Variants in RIC3 observed in about 807,000 individuals in gnomAD.
RIC3 encodes RIC3 acetylcholine receptor chaperone.
Under a neutral mutation model 27.3 loss-of-function variants are expected in RIC3, and 28 were observed. The ratio of observed to expected loss-of-function variants is 1.02; its 90% CI spans 0.76 to 1.41. The LOEUF is 1.41. Ranked by LOEUF, RIC3 falls within the 40% of genes most tolerant of loss-of-function variation. The probability of loss-of-function intolerance (pLI) is 0.00; values close to 1 mark genes in which losing one functional copy is unlikely to be tolerated. For missense variants in RIC3, 501 were observed against 444.7 expected (o/e 1.13, Z -1.14); for synonymous variants, 184 against 160.4 (o/e 1.15, Z -1.11).
intron 5 of RIC3, among the ~76,000 whole-genome samples, chr11:8,119,984 AATGAGATACC>A (rs1234307380): frequency 6.6e-6 from 1 of 152,254 alleles, no homozygotes; most frequent in East Asian, 1.9e-4. Flanking sequence ...TCAAAACCAC[AATGAGATACC>A]ATCTCACGCC....
chr11:8,101,642 G>C (rs1461171565), downstream of RIC3: 1 of 1,613,178 alleles, frequency 6.2e-7, no homozygotes. Context: ...GCCCTTTGGG[G>C]TTGCCCAGCC....
intron 5 of RIC3, among the ~76,000 whole-genome samples, chr11:8,120,843 G>A (rs1946365429): frequency 6.6e-6 from 1 of 152,060 alleles, no homozygotes; most frequent in African/African-American, 2.4e-5. Context: ...TCAAATTAAA[G>A]TAGAGAATGA....
chr11:8,121,893 T>A (rs1946499590), intron 5 of RIC3, among the ~76,000 whole-genome samples: 1 of 152,112 alleles, frequency 6.6e-6, no homozygotes, highest in African/African-American at 2.4e-5. Context: ...AAAATTAACC[T>A]TTTTTATTTT....
intron 5 of RIC3, among the ~76,000 whole-genome samples, chr11:8,126,307 AAAAGT>A (rs1946984720): frequency 2.6e-5 from 4 of 152,200 alleles, no homozygotes; most frequent in African/African-American, 9.6e-5. Context: ...CATGAATGTC[AAAAGT>A]ATTACGCTAA....
At chr11:8,118,021 G>T (rs1315242242) in intron 5 of RIC3, among the ~76,000 whole-genome samples, 1 of 151,804 alleles carries the variant, frequency 6.6e-6, no homozygotes, top group Non-Finnish European at 1.5e-5. Flanking sequence ...AGGAGATCAA[G>T]ACCATCCTGG....
At chr11:8,135,749 G>A (rs553375393) in intron 4 of RIC3, 2 of 152,100 alleles carry the variant, frequency 1.3e-5, no homozygotes, top group African/African-American at 4.8e-5. Flanking sequence ...GTGTGGCCTG[G>A]GGTTGCCAAT....
At chr11:8,128,832 G>C (rs1590165676) in intron 4 of RIC3, among the ~76,000 whole-genome samples, 1 of 138,824 alleles carries the variant, frequency 7.2e-6, no homozygotes, top group South Asian at 2.2e-4. Flanking sequence ...TCAGCTCACT[G>C]CAAGCTCCGC....
Position 8,127,358 on chromosome 11 carries a change from A to G in RIC3, c.522-551T>C, listed in dbSNP as rs540337644. 1.8e-4 allele frequency among the ~76,000 whole-genome samples: 28 copies of G among 152,320 alleles called. No individual in the cohort carries two copies. In the South Asian group the frequency reaches 4.6e-3, roughly 25 times the overall value. Reference sequence around the variant, plus strand: ...TTGAAAATTCAATCATCTAGACTAGAGAAATTGAGGAAACTGGGGTCCACA... The same window carrying G: ...TTGAAAATTCAATCATCTAGACTAGGGAAATTGAGGAAACTGGGGTCCACA... On this transcript the variant is annotated intron_variant, in intron 4 of 5. Coordinates refer to ENST00000309737, the MANE Select transcript of RIC3 (RefSeq NM_001206671.4).
the RIC3 span, chr11:8,098,664 T>A: frequency 1.1e-6 from 1 of 887,884 alleles, no homozygotes; most frequent in Non-Finnish European, 1.8e-6. Context: ...CAGCCCAGAA[T>A]GTTTTGCAGG....
At chr11:8,097,159 G>T in the RIC3 span, 3 of 1,563,868 alleles carry the variant, frequency 1.9e-6, no homozygotes, top group Non-Finnish European at 2.6e-6. Flanking sequence ...GGCAGATTTG[G>T]ATCCCAGACC....
At chr11:8,126,075 C>T (rs1026356533) in intron 5 of RIC3, among the ~76,000 whole-genome samples, 2 of 152,002 alleles carry the variant, frequency 1.3e-5, no homozygotes, top group African/African-American at 4.8e-5. Context: ...TTACCTTAAA[C>T]CCAAAAATCT....
intron 4 of RIC3, among the ~76,000 whole-genome samples, chr11:8,136,650 C>T (rs1948457634): frequency 6.6e-6 from 1 of 152,194 alleles, no homozygotes; most frequent in African/African-American, 2.4e-5. Context: ...TAATTCTGTG[C>T]TGGCACAGTC....
At chr11:8,145,412 C>G (rs1166009783) in intron 1 of RIC3, among the ~76,000 whole-genome samples, 1 of 152,128 alleles carries the variant, frequency 6.6e-6, no homozygotes, top group Non-Finnish European at 1.5e-5. Flanking sequence ...TTTGTGCACA[C>G]AGGGGAAGAT....
intron 5 of RIC3, among the ~76,000 whole-genome samples, chr11:8,116,549 T>C (rs1220932083): frequency 1.3e-5 from 2 of 152,130 alleles, no homozygotes; most frequent in Non-Finnish European, 2.9e-5. Flanking sequence ...GCAAAATATA[T>C]AAGGAACTCA....
intron 4 of RIC3, chr11:8,128,398 A>T: frequency 2.7e-6 from 1 of 376,902 alleles, no homozygotes; most frequent in Non-Finnish European, 5.2e-6. Flanking sequence ...AACAGACAAG[A>T]GCTTTCCCAG....
At position 8,139,951 on chromosome 11, in the gene RIC3, GGAT is replaced by G. The variant is rs767751381; in HGVS notation, c.351+13_351+15del. On this transcript the variant is annotated intron_variant, in intron 2 of 5. Transcript: ENST00000309737. ...GATTTTCATTGATGTAATATGATTA[GGAT>G]GATTCTACTTACCTTAAATAGAATG... 6.3e-7 allele frequency: 1 copy of G among 1,594,802 alleles called. No individual in the cohort carries two copies. Among genetic ancestry groups the G allele is most frequent in the African/African-American group, 1.3e-5 (1 of 74,406 alleles).
intron 4 of RIC3, among the ~76,000 whole-genome samples, chr11:8,127,660 A>G (rs764510802): frequency 3.3e-5 from 5 of 152,164 alleles, no homozygotes; most frequent in Admixed American, 2.6e-4. Context: ...TAGAAGACTG[A>G]TAACTATCTG....
chr11:8,120,713 A>G (rs1946345674), intron 5 of RIC3, among the ~76,000 whole-genome samples: 1 of 152,134 alleles, frequency 6.6e-6, no homozygotes, highest in South Asian at 2.1e-4. Context: ...TATAATTTAA[A>G]AAAAAAAGAA....
chr11:8,154,497 T>C (rs768944224), intron 1 of RIC3, among the ~76,000 whole-genome samples: 1 of 152,242 alleles, frequency 6.6e-6, no homozygotes, highest in Non-Finnish European at 1.5e-5. Flanking sequence ...TGGGATTATA[T>C]TGGACACATG....
Sources: gnomAD v4.1 joint callset for allele counts (sites outside exome capture counted in the v4.1 genomes callset) on GRCh38, gnomAD v4.1.1 for gene constraint, MANE v1.5 for transcripts, NCBI Gene and HGNC (gene_info 2026-07-23, HGNC 2026-07-21) for gene names.